Variants in MTUS1 observed in about 807,000 individuals in gnomAD.
MTUS1 encodes the protein microtubule associated scaffold protein 1.
In MTUS1, 109 loss-of-function variants were observed where a neutral mutation model predicts 120.8. The observed-to-expected ratio is 0.90, with a 90% confidence interval of 0.77 to 1.06. MTUS1 has a LOEUF of 1.06. Among genes scored for constraint, MTUS1 ranks in the 50% least tolerant of loss-of-function variants. The pLI, the probability that MTUS1 is intolerant of heterozygous loss-of-function variation, is 0.00. For missense variants in MTUS1, 2,210 were observed against 1,486.3 expected (o/e 1.49, Z -8.01); for synonymous variants, 737 against 550.5 (o/e 1.34, Z -4.74).
chr8:17,764,168 T>C (rs1439652056), intron 1 of MTUS1, among the ~76,000 whole-genome samples: 1 of 152,186 alleles, frequency 6.6e-6, no homozygotes, highest in Non-Finnish European at 1.5e-5. Flanking sequence ...AACTATGTCA[T>C]TTTAGTCATC....
intron 6 of MTUS1, among the ~76,000 whole-genome samples, chr8:17,693,571 GC>G (rs574678072): frequency 4.1e-4 from 62 of 152,298 alleles, no homozygotes; most frequent in African/African-American, 1.5e-3. Flanking sequence ...CCTTGAAGGA[GC>G]CCTTCCTCAA....
At chr8:17,784,087 T>C (rs1344033804) in intron 1 of MTUS1, among the ~76,000 whole-genome samples, 1 of 115,360 alleles carries the variant, frequency 8.7e-6, no homozygotes, top group Non-Finnish European at 1.8e-5. Context: ...CCAAATGATT[T>C]CAACTCTTCA....
At chr8:17,738,978 C>A (rs909313353) in intron 3 of MTUS1, among the ~76,000 whole-genome samples, 1 of 151,244 alleles carries the variant, frequency 6.6e-6, no homozygotes, top group Non-Finnish European at 1.5e-5. Context: ...CCCATCTCTA[C>A]AAAAATATAT....
intron 1 of MTUS1, among the ~76,000 whole-genome samples, chr8:17,793,121 T>C (rs17125479): frequency 0.028 from 4,265 of 152,294 alleles, 206 homozygotes; most frequent in African/African-American, 0.096. Flanking sequence ...TCAAAAGAAA[T>C]TGTCAACTTG....
intron 4 of MTUS1, among the ~76,000 whole-genome samples, chr8:17,719,830 C>G (rs1051383703): frequency 2.0e-5 from 3 of 152,138 alleles, no homozygotes; most frequent in African/African-American, 7.2e-5. Context: ...TAAATAAGAT[C>G]CACCCTATTC....
chr8:17,689,792 GA>G (rs1324040491), intron 6 of MTUS1, among the ~76,000 whole-genome samples: 2 of 152,110 alleles, frequency 1.3e-5, no homozygotes, highest in African/African-American at 2.4e-5. Flanking sequence ...ATGGGGAAAG[GA>G]CACCCTATTC....
intron 8 of MTUS1, among the ~76,000 whole-genome samples, chr8:17,671,221 A>G (rs962166362): frequency 7.2e-5 from 11 of 152,074 alleles, no homozygotes; most frequent in Admixed American, 6.6e-5. Context: ...AGGGCAGTGG[A>G]GCTGCCGGCT....
intron 3 of MTUS1, among the ~76,000 whole-genome samples, chr8:17,728,395 G>A (rs1028316948): frequency 9.9e-5 from 15 of 152,246 alleles, no homozygotes; most frequent in East Asian, 3.9e-4. Flanking sequence ...GTGAGCCACC[G>A]TGCCTGGCCA....
Position 17,645,947 on chromosome 8 carries a change from G to A in MTUS1, c.3792C>T (p.Ser1264=), listed in dbSNP as rs774703818. ...GGTGTCATCTGGGTGAAATGCTGGG[G>A]CTAGGGAAGGAGCCCGAATTCCTTG... ...QSPRNSGSFP[S]PSISPR Residue 1264 remains serine, a synonymous_variant, in exon 15 of 15, where the codon AGC becomes AGT. Transcript: ENST00000693296. 14 of 1,612,162 alleles carry A rather than the reference G, an allele frequency of 8.7e-6. No homozygotes were observed. Among genetic ancestry groups the A allele is most frequent in the Admixed American group, 1.7e-5 (1 of 59,932 alleles).
intron 6 of MTUS1, among the ~76,000 whole-genome samples, chr8:17,693,652 C>T (rs1466642866): frequency 2.0e-5 from 3 of 152,178 alleles, no homozygotes; most frequent in Admixed American, 6.5e-5. Context: ...TTCTCCATTT[C>T]CTGAGGACCC....
intron 2 of MTUS1, among the ~76,000 whole-genome samples, chr8:17,746,121 A>G (rs948208134): frequency 2.0e-5 from 3 of 152,154 alleles, no homozygotes; most frequent in Non-Finnish European, 4.4e-5. Context: ...GTAGTTCTTT[A>G]TATAGCAATG....
rs367890801 is a variant in MTUS1, at chr8:17,653,193, G to A, written c.3377C>T (p.Ala1126Val). ...GGAGCACACACAACTTACCAAATTT[G>A]CTTTTTCTCTTGCTCTTCTTTTTTG... The part of the protein sequence containing the change: ...EEQKRRAREK[A>V]NLKNPQIMYL... Residue 1126 changes from alanine to valine, a missense_variant, in exon 12 of 15, where the codon GCA becomes GTA. Physicochemically the swap from Ala to Val is moderately conservative, Grantham distance 64. Transcript: ENST00000693296. 3.9e-6 allele frequency: 6 copies of A among 1,531,868 alleles called. No homozygotes were observed. The East Asian group carries it at 6.9e-5, about 18-fold the overall frequency. The allele number at this position is 1,531,868 out of a possible 1,614,324, so 94.9% of individuals were successfully genotyped here. A position where few individuals can be genotyped will look rare whatever the true frequency, so the allele number is the denominator to read the frequency against.
At chr8:17,748,633 G>T (rs931923804) in intron 2 of MTUS1, among the ~76,000 whole-genome samples, 1 of 152,152 alleles carries the variant, frequency 6.6e-6, no homozygotes, top group Non-Finnish European at 1.5e-5. Flanking sequence ...CCACTGTGGG[G>T]CCTGCACACA....
At chr8:17,676,200 T>C (rs1813072515) in intron 7 of MTUS1, 1 of 700,162 alleles carries the variant, frequency 1.4e-6, no homozygotes, top group Non-Finnish European at 2.6e-6. Flanking sequence ...TCAAAGCATT[T>C]TCCCTGAATT....
intron 6 of MTUS1, among the ~76,000 whole-genome samples, chr8:17,704,457 G>A (rs1444861902): frequency 6.6e-6 from 1 of 152,122 alleles, no homozygotes; most frequent in Non-Finnish European, 1.5e-5. Context: ...TGTACTGTGT[G>A]AGATAAGGGT....
intron 2 of MTUS1, among the ~76,000 whole-genome samples, chr8:17,746,375 C>T (rs1005197259): frequency 5.9e-5 from 9 of 152,134 alleles, no homozygotes; most frequent in Non-Finnish European, 8.8e-5. Context: ...ATTTTCACAA[C>T]GCTGATAAAG....
At chr8:17,686,335 A>G (rs1189357129) in intron 6 of MTUS1, among the ~76,000 whole-genome samples, 1 of 152,258 alleles carries the variant, frequency 6.6e-6, no homozygotes, top group African/African-American at 2.4e-5. Context: ...CAACAAATGT[A>G]ATAATATCTT....
At chr8:17,734,665 A>G (rs528832216) in intron 3 of MTUS1, among the ~76,000 whole-genome samples, 44 of 152,328 alleles carry the variant, frequency 2.9e-4, no homozygotes, top group Non-Finnish European at 5.1e-4. Context: ...TTCAGAGGGG[A>G]ATAAACCAAA....
intron 8 of MTUS1, among the ~76,000 whole-genome samples, chr8:17,657,948 T>C (rs1808790650): frequency 6.6e-6 from 1 of 151,586 alleles, no homozygotes; most frequent in South Asian, 2.1e-4. Context: ...TATATGTACA[T>C]ATATGTATGC....
Sources: gnomAD v4.1 joint callset for allele counts (sites outside exome capture counted in the v4.1 genomes callset) on GRCh38, gnomAD v4.1.1 for gene constraint, MANE v1.5 for transcripts, NCBI Gene and HGNC (gene_info 2026-07-23, HGNC 2026-07-21) for gene names.